DMXL1: variants seen among roughly 807,000 people sequenced by gnomAD.
The protein encoded by DMXL1 is dmX-like protein 1.
DMXL1 carries 99 observed loss-of-function variants against 319.2 expected under a neutral mutation model. That is an observed-to-expected ratio of 0.31 (90% CI 0.26 to 0.37). The LOEUF is 0.37. Among genes scored for constraint, DMXL1 ranks in the 10% least tolerant of loss-of-function variants. DMXL1 has a pLI of 1.00. For synonymous variants in DMXL1, 1,385 were observed against 1,235.2 expected (o/e 1.12, Z -2.54); for missense variants, 3,745 against 3,595.6 (o/e 1.04, Z -1.06).
chr5:119,123,385 G>GA (rs1561645799), intron 9 of DMXL1, among the ~76,000 whole-genome samples: 4 of 34,654 alleles, frequency 1.2e-4, no homozygotes, highest in East Asian at 4.0e-3. Context: ...GAGAGGGAGA[G>GA]GAGGGAGAGG....
intron 43 of DMXL1, among the ~76,000 whole-genome samples, chr5:119,245,169 T>C (rs557753702): frequency 1.3e-5 from 2 of 152,360 alleles, no homozygotes; most frequent in Non-Finnish European, 1.5e-5. Flanking sequence ...CTCAGGGATC[T>C]GCATTTTAAT....
At chr5:119,194,549 G>A (rs1039436632) in intron 30 of DMXL1, among the ~76,000 whole-genome samples, 2 of 152,140 alleles carry the variant, frequency 1.3e-5, no homozygotes, top group African/African-American at 2.4e-5. Flanking sequence ...AACATGGTAT[G>A]TTAATGGTGT....
intron 35 of DMXL1, among the ~76,000 whole-genome samples, chr5:119,217,696 A>G (rs1022338069): frequency 6.6e-6 from 1 of 152,166 alleles, no homozygotes; most frequent in African/African-American, 2.4e-5. Context: ...AGATGTTCAT[A>G]TGTTCCTAAT....
In DMXL1 at chr5:119,164,491, T is replaced by G. The variant is rs745779562; in HGVS notation, c.4703-16T>G. ...ATTTATAATTCTTATAAACATCATT[T>G]TTTACATTTCTTCAGGCCTGTCTAC... On this transcript the variant is annotated splice_polypyrimidine_tract_variant and intron_variant, in intron 19 of 43. Coordinates refer to ENST00000539542, the MANE Select transcript of DMXL1 (RefSeq NM_001290321.3). The G allele has an allele frequency of 1.2e-6, 2 of 1,604,192 alleles. No homozygotes were observed. The highest frequency in any genetic ancestry group is 1.7e-6 in the Non-Finnish European group (2 of 1,173,098).
In DMXL1 at chr5:119,144,268, G is replaced by T. The variant is rs545194084; in HGVS notation, c.2467-268G>T. On this transcript the variant is annotated intron_variant, in intron 14 of 43. Transcript: ENST00000539542. ...TTGAAAATCACTGAAAAGAAAACTA[G>T]GTTCCAATTTGTGGCTAAATAAAAA... 4.0e-5 allele frequency among the ~76,000 whole-genome samples: 6 copies of T among 151,782 alleles called. No individual in the cohort carries two copies. In the South Asian group the frequency reaches 1.2e-3, roughly 32 times the overall value.
In DMXL1 at chr5:119,133,169, C is replaced by A. The variant is rs201169279; in HGVS notation, c.1353C>A (p.Pro451=). The A allele has an allele frequency of 1.9e-6, 3 of 1,613,912 alleles. No individual in the cohort carries two copies. The highest frequency in any genetic ancestry group is 1.3e-5 in the African/African-American group (1 of 74,882). ...DDGVDDLKIN[P]EKKELGCDKM... is the part of the protein sequence containing the mutation. ...GTGTTGATGATCTGAAAATAAATCC[C>A]GAAAAGAAGGAATTAGGCTGTGATA... Residue 451 remains proline (P), a synonymous_variant, in exon 11 of 44, where the codon CCC becomes CCA. Coordinates refer to ENST00000539542, the MANE Select transcript of DMXL1 (RefSeq NM_001290321.3).
chr5:119,192,246 A>T (rs1778821478), intron 29 of DMXL1, among the ~76,000 whole-genome samples: 1 of 152,146 alleles, frequency 6.6e-6, no homozygotes. Flanking sequence ...CTCCTGTTAT[A>T]ATGGAGAAAG....
At position 119,147,204 on chromosome 5, in the gene DMXL1, G is replaced by T. The variant is rs1406026310; in HGVS notation, c.2690-45G>T. ...AAATGTAACAATCGTAATATTTATA[G>T]GGTTCCCCTGCCTCAGTTTTTGGTT... is the stretch of plus-strand genomic sequence containing the variant. On this transcript the variant is annotated intron_variant, in intron 16 of 43. Transcript: ENST00000539542. The T allele has an allele frequency of 5.3e-6, 8 of 1,510,196 alleles. No homozygotes were observed. The South Asian group carries it at 9.3e-5, about 17-fold the overall frequency. The allele number at this position is 1,510,196 out of a possible 1,614,324, so 93.5% of individuals were successfully genotyped here. A position where few individuals can be genotyped will look rare whatever the true frequency, so the allele number is the denominator to read the frequency against.
intron 38 of DMXL1, among the ~76,000 whole-genome samples, chr5:119,228,644 G>A (rs535864571): frequency 1.3e-5 from 2 of 152,294 alleles, no homozygotes; most frequent in Admixed American, 6.5e-5. Context: ...TTTAGAGGGA[G>A]TGAGAACAAA....
chr5:119,190,454 T>G (rs1431455132), intron 29 of DMXL1, among the ~76,000 whole-genome samples: 1 of 152,212 alleles, frequency 6.6e-6, no homozygotes, highest in African/African-American at 2.4e-5. Flanking sequence ...TTTTAAAGTC[T>G]TTCAGTGATT....
At chr5:119,114,393 T>G (rs1434120878) in intron 5 of DMXL1, 82 bp from the exon 6 acceptor site, 1 of 986,766 alleles carries the variant, frequency 1.0e-6, no homozygotes, top group African/African-American at 1.6e-5. Flanking sequence ...TTGAACCAAT[T>G]GCTGATTTAT....
At chr5:119,203,145 G>A (rs942736070) in intron 32 of DMXL1, among the ~76,000 whole-genome samples, 174 bp from the exon 33 acceptor site, 3 of 151,902 alleles carry the variant, frequency 2.0e-5, no homozygotes, top group African/African-American at 7.3e-5. Flanking sequence ...CCTGAATTAT[G>A]TACTAATCCT....
intron 19 of DMXL1, among the ~76,000 whole-genome samples, chr5:119,154,231 C>T (rs112014619): frequency 5.6e-4 from 86 of 152,272 alleles, no homozygotes; most frequent in Admixed American, 2.2e-3. Flanking sequence ...CATATCTCTC[C>T]CTTTAAATCA....
At chr5:119,223,260 T>C (rs1022202806) in intron 37 of DMXL1, among the ~76,000 whole-genome samples, 6 of 152,172 alleles carry the variant, frequency 3.9e-5, no homozygotes, top group Middle Eastern at 3.4e-3. Flanking sequence ...TTTTGCCATG[T>C]TGGCCAGGCT....
intron 10 of DMXL1, 61 bp from the exon 11 acceptor site, chr5:119,133,071 T>G: frequency 6.4e-7 from 1 of 1,572,228 alleles, no homozygotes; most frequent in Admixed American, 1.8e-5. Flanking sequence ...GCTCGGTAAT[T>G]CTTAATTTAT....
intron 10 of DMXL1, among the ~76,000 whole-genome samples, chr5:119,130,704 G>A (rs1394584538): frequency 6.6e-6 from 1 of 152,144 alleles, no homozygotes; most frequent in Non-Finnish European, 1.5e-5. Flanking sequence ...TTTAACGGCT[G>A]CTGAGTATTC....
rs137887390 is a variant in DMXL1 at position 119,147,817 on chromosome 5, G to C, written c.2911+347G>C. Among the ~76,000 whole-genome samples, 1,179 of 152,282 alleles carry C rather than the reference G, an allele frequency of 7.7e-3. 10 individuals are homozygous for C. Among genetic ancestry groups the C allele is most frequent in the Non-Finnish European group, 0.014 (959 of 67,998 alleles). On this transcript the variant is annotated intron_variant, in intron 17 of 43. Coordinates refer to ENST00000539542, the MANE Select transcript of DMXL1 (RefSeq NM_001290321.3). Reference sequence around the variant, plus strand: ...GCTGCCTGGAGCCATGATTCTGATTGTGTGGTTTCTGCTATATATTTATTA... The same window carrying C: ...GCTGCCTGGAGCCATGATTCTGATTCTGTGGTTTCTGCTATATATTTATTA...
chr5:119,197,843 T>C lies in DMXL1; in HGVS notation c.7632T>C (p.His2544=), dbSNP rs1173630390. 12 of 1,614,068 alleles carry C rather than the reference T, an allele frequency of 7.4e-6. No individual in the cohort carries two copies. The highest frequency in any genetic ancestry group is 1.0e-5 in the Non-Finnish European group (12 of 1,180,024). The change falls in exon 32 of 44, where the codon CAT becomes CAC. Residue 2544 remains histidine (H), a synonymous_variant. Transcript: ENST00000539542. Reference sequence around the variant, plus strand: ...TTCTTCTCCGACGACTTGAAATCCATGGTGGGCCACCTCAAAATTATATCG... The same window carrying C: ...TTCTTCTCCGACGACTTGAAATCCACGGTGGGCCACCTCAAAATTATATCG... ...EQVLLRRLEI[H]GGPPQNYIAS...
At chr5:119,130,497 C>G (rs141243527) in intron 10 of DMXL1, among the ~76,000 whole-genome samples, 1 of 152,096 alleles carries the variant, frequency 6.6e-6, no homozygotes, top group Non-Finnish European at 1.5e-5. Flanking sequence ...CATCCGCCAC[C>G]ACACCTGGCT....
Sources: gnomAD v4.1 joint callset for allele counts (sites outside exome capture counted in the v4.1 genomes callset) on GRCh38, gnomAD v4.1.1 for gene constraint, MANE v1.5 for transcripts, NCBI Gene and HGNC (gene_info 2026-07-23, HGNC 2026-07-21) for gene names.